IFIH1: variants seen among roughly 807,000 people sequenced by gnomAD.
IFIH1 encodes the protein interferon-induced helicase C domain-containing protein 1.
IFIH1 carries 125 observed loss-of-function variants against 107.4 expected under a neutral mutation model. That is an observed-to-expected ratio of 1.16 (90% CI 1.01 to 1.35). The LOEUF is 1.35. IFIH1 is among the 40% of genes most tolerant of loss of function. The pLI, the probability that IFIH1 is intolerant of heterozygous loss-of-function variation, is 0.00. For synonymous variants in IFIH1, 458 were observed against 413.2 expected (o/e 1.11, Z -1.31); for missense variants, 1,333 against 1,213.7 (o/e 1.10, Z -1.46).
chr2:162,293,002 G>A (rs1469624272), intron 4 of IFIH1, among the ~76,000 whole-genome samples: 2 of 151,804 alleles, frequency 1.3e-5, no homozygotes. Flanking sequence ...TTTATTGCTG[G>A]TGGAATATAC....
intron 12 of IFIH1, among the ~76,000 whole-genome samples, chr2:162,272,922 G>A (rs1691073628): frequency 2.0e-5 from 3 of 152,106 alleles, no homozygotes; most frequent in South Asian, 2.1e-4. Flanking sequence ...GGTATATTTT[G>A]ATTAATAGAA....
At chr2:162,294,103 A>G (rs971797425) in intron 3 of IFIH1, among the ~76,000 whole-genome samples, 1 of 151,988 alleles carries the variant, frequency 6.6e-6, no homozygotes, top group Admixed American at 6.6e-5. Flanking sequence ...AAGTACCTGG[A>G]TCTACTGATC....
chr2:162,303,767 T>A (rs1009572307), intron 3 of IFIH1, among the ~76,000 whole-genome samples: 5 of 152,162 alleles, frequency 3.3e-5, no homozygotes, highest in African/African-American at 1.2e-4. Context: ...TTTAAAAAAA[T>A]TTAAAACTTT....
chr2:162,304,138 G>T (rs1177034888), intron 3 of IFIH1, among the ~76,000 whole-genome samples: 1 of 152,108 alleles, frequency 6.6e-6, no homozygotes, highest in Non-Finnish European at 1.5e-5. Context: ...AGCAGCAGCA[G>T]CACCAGAGTT....
chr2:162,293,769 A>C lies in IFIH1; in HGVS notation c.770-101T>G, dbSNP rs12478730. The C allele has an allele frequency of 0.022, 14,151 of 646,754 alleles. 1,134 individuals carry two copies. The Admixed American group carries it at 0.23, about 11-fold the overall frequency. The allele number at this position is 646,754 out of a possible 1,614,324, so 40.1% of individuals were successfully genotyped here. On this transcript the variant is annotated intron_variant, in intron 3 of 15. Coordinates refer to ENST00000649979, the MANE Select transcript of IFIH1 (RefSeq NM_022168.4). ...GCACACAGTACATACAGTTCAATTC[A>C]AGTGGGGAAGGCACACCCAGACAAT... is the stretch of plus-strand genomic sequence containing the variant.
chr2:162,284,330 A>T (rs1397948937), intron 5 of IFIH1, among the ~76,000 whole-genome samples: 4 of 151,968 alleles, frequency 2.6e-5, no homozygotes, highest in Non-Finnish European at 5.9e-5. Flanking sequence ...CCCTGAAAAC[A>T]GCTACTCCAG....
chr2:162,303,632 A>C (rs958389404), intron 3 of IFIH1, among the ~76,000 whole-genome samples: 1 of 151,674 alleles, frequency 6.6e-6, no homozygotes, highest in Non-Finnish European at 1.5e-5. Context: ...GAAGGGAAGG[A>C]GGGAGATAGA....
chr2:162,302,734 A>G (rs1463450011), intron 3 of IFIH1, among the ~76,000 whole-genome samples: 1 of 152,218 alleles, frequency 6.6e-6, no homozygotes, highest in Non-Finnish European at 1.5e-5. Flanking sequence ...ATAACAAGGA[A>G]ACAAACAGAT....
At chr2:162,272,149 G>T in intron 13 of IFIH1, 77 bp downstream of exon 13, 2 of 1,148,604 alleles carry the variant, frequency 1.7e-6, no homozygotes, top group Non-Finnish European at 1.3e-6. Flanking sequence ...TCTGGAGAAT[G>T]AGTCACAGAG....
At chr2:162,295,912 C>A (rs1415483232) in intron 3 of IFIH1, among the ~76,000 whole-genome samples, 1 of 151,888 alleles carries the variant, frequency 6.6e-6, no homozygotes, top group African/African-American at 2.4e-5. Flanking sequence ...AATTCTAGAT[C>A]TAGAAATATA....
In IFIH1 at chr2:162,278,288, A is replaced by G. The variant is rs2105198660; in HGVS notation, c.1682T>C (p.Ile561Thr). The G allele has an allele frequency of 6.7e-7, 1 of 1,503,014 alleles. No homozygotes were observed. The highest frequency in any genetic ancestry group is 9.2e-7 in the Non-Finnish European group (1 of 1,085,592). 93.1% of individuals were successfully genotyped at this position (1,503,014 alleles called of 1,614,324 possible). A position where few individuals can be genotyped will look rare whatever the true frequency, so the allele number is the denominator to read the frequency against. ...TGGACTCATTTGACAATAAGTTTGAATCCTTGTCATTATTTCTAGAAGTTT... is the reference window on the plus strand; with the variant it reads ...TGGACTCATTTGACAATAAGTTTGAGTCCTTGTCATTATTTCTAGAAGTTT... Reference protein sequence around the residue: ...KEKLLEIMTRIQTYCQMSPMS... With the variant: ...KEKLLEIMTRTQTYCQMSPMS... Residue 561 changes from isoleucine to threonine, a missense_variant, in exon 9 of 16, where the codon ATT (isoleucine) becomes ACT (threonine). Ile to Thr is a moderately conservative substitution (Grantham distance 89, BLOSUM62 -1). Coordinates refer to ENST00000649979, the MANE Select transcript of IFIH1 (RefSeq NM_022168.4).
Position 162,280,103 on chromosome 2 carries a change from T to A in IFIH1, c.1534A>T (p.Asn512Tyr). The change falls in exon 8 of 16, where the codon AAT becomes TAT. Residue 512 changes from asparagine (N) to tyrosine (Y), a missense_variant. Physicochemically the swap from Asn to Tyr is moderately radical, Grantham distance 143. Coordinates refer to ENST00000649979, the MANE Select transcript of IFIH1 (RefSeq NM_022168.4). ...AEEHILKLCANLDAFTIKTVK... is the reference protein window; with the variant it reads ...AEEHILKLCAYLDAFTIKTVK... Reference sequence around the variant, plus strand: ...GTTTTAATAGTAAATGCATCAAGATTGGCACATAGCTGGAAAAGAGACATT... The same window carrying A: ...GTTTTAATAGTAAATGCATCAAGATAGGCACATAGCTGGAAAAGAGACATT... 6.5e-7 allele frequency: 1 copy of A among 1,543,792 alleles called. No individual in the cohort carries two copies. The highest frequency in any genetic ancestry group is 8.9e-7 in the Non-Finnish European group (1 of 1,118,846).
chr2:162,308,612 A>G (rs550072872), intron 2 of IFIH1, among the ~76,000 whole-genome samples: 11 of 152,126 alleles, frequency 7.2e-5, no homozygotes, highest in Non-Finnish European at 1.5e-4. Context: ...TCCTGACCTC[A>G]GGTGATCCAC....
In IFIH1 at chr2:162,278,232, G is replaced by A. The variant is rs774888783; in HGVS notation, c.1738C>T (p.Gln580Ter). Reference sequence around the variant, plus strand: ...TTTTTTTCCATTTGAATGGCCCATTGTTCATAGGGTTGAGTTCCAAAATCT... The same window carrying A: ...TTTTTTTCCATTTGAATGGCCCATTATTCATAGGGTTGAGTTCCAAAATCT... Reference protein sequence around the residue: ...MSDFGTQPYEQWAIQMEKKAA... With the variant: ...MSDFGTQPYE The change falls in exon 9 of 16, where the codon CAA becomes TAA. Residue 580 changes from glutamine to a stop codon, truncating the protein, a stop_gained. Coordinates refer to ENST00000649979, the MANE Select transcript of IFIH1 (RefSeq NM_022168.4). LOFTEE classifies it high-confidence loss of function. The A allele has an allele frequency of 1.1e-5, 17 of 1,605,636 alleles. No homozygotes were observed. The highest frequency in any genetic ancestry group is 1.4e-5 in the Non-Finnish European group (16 of 1,177,012).
rs1261297304 is a variant in IFIH1 at position 162,318,228 on chromosome 2, T to G, written c.80A>C (p.Gln27Pro). The G allele has an allele frequency of 6.2e-7, 1 of 1,614,178 alleles. No individual in the cohort carries two copies. The highest frequency in any genetic ancestry group is 1.3e-5 in the African/African-American group (1 of 75,058). The change falls in exon 1 of 16, where the codon CAG (glutamine) becomes CCG (proline). Residue 27 changes from glutamine (Q) to proline (P), a missense_variant. Gln to Pro is a moderately conservative substitution (Grantham distance 76). Coordinates refer to ENST00000649979, the MANE Select transcript of IFIH1 (RefSeq NM_022168.4). The part of the protein sequence containing the change: ...CFRARVKMYI[Q>P]VEPVLDYLTF... ...CAGGTAGTCCAGCACAGGCTCCACC[T>G]GGATGTACATTTTCACCCTGGCCCT...
At chr2:162,297,340 T>C (rs1683109169) in intron 3 of IFIH1, among the ~76,000 whole-genome samples, 1 of 152,192 alleles carries the variant, frequency 6.6e-6, no homozygotes, top group Admixed American at 6.6e-5. Context: ...AGTCCTGCGT[T>C]TATGATTTTA....
At chr2:162,279,916 G>T (rs1682775369) in intron 8 of IFIH1, 80 bp downstream of exon 8, 3 of 804,020 alleles carry the variant, frequency 3.7e-6, no homozygotes, top group South Asian at 1.5e-5. Context: ...TTTTCAGATG[G>T]TCAGTATAAA....
At position 162,316,663 on chromosome 2, in the gene IFIH1, A is replaced by G. The variant is rs556246974; in HGVS notation, c.453+1192T>C. On this transcript the variant is annotated intron_variant, in intron 1 of 15. Transcript: ENST00000649979. ...GATGACCCAAAAGAGAGAGAGAGAA[A>G]AAAACCATGTGAAAATCATAGAGTG... 1.6e-4 allele frequency among the ~76,000 whole-genome samples: 24 copies of G among 152,338 alleles called. 1 individual carries two copies. In the South Asian group the frequency reaches 4.8e-3, roughly 30 times the overall value.
chr2:162,302,553 G>T (rs1266038729), intron 3 of IFIH1, among the ~76,000 whole-genome samples: 1 of 152,112 alleles, frequency 6.6e-6, no homozygotes, highest in South Asian at 2.1e-4. Flanking sequence ...AGAAGCTATG[G>T]AGCACTTTCA....
Sources: allele counts gnomAD v4.1 joint callset (sites outside exome capture counted in the v4.1 genomes callset), GRCh38; gene constraint gnomAD v4.1.1; transcripts MANE v1.5; gene names NCBI Gene and HGNC (gene_info 2026-07-23, HGNC 2026-07-21).